Variants in MTA3 observed in about 807,000 individuals in gnomAD.
MTA3 encodes metastasis-associated protein MTA3.
In MTA3, 34 loss-of-function variants were observed where a neutral mutation model predicts 83.5. The ratio of observed to expected loss-of-function variants is 0.41; its 90% CI spans 0.31 to 0.54. The LOEUF (loss-of-function observed/expected upper bound fraction) is 0.54, where lower values mean the gene tolerates loss of function less well. Ranked by LOEUF, MTA3 falls within the 20% of genes least tolerant of loss-of-function variation. MTA3 has a pLI of 0.33. For synonymous variants in MTA3, 303 were observed against 252.7 expected (o/e 1.20, Z -1.89); for missense variants, 761 against 726.4 (o/e 1.05, Z -0.55).
At chr2:42,677,628 GCCACCGTACCTCGT>G in intron 8 of MTA3, among the ~76,000 whole-genome samples, 1 of 152,110 alleles carries the variant, frequency 6.6e-6, no homozygotes, top group Non-Finnish European at 1.5e-5. Flanking sequence ...ACGGGTATGA[GCCACCGTACCTCGT>G]CCTGATGGTT....
intron 4 of MTA3, among the ~76,000 whole-genome samples, chr2:42,639,063 CTTT>C (rs563252870): frequency 7.2e-5 from 10 of 138,722 alleles, no homozygotes; most frequent in Non-Finnish European, 9.5e-5. Flanking sequence ...TTCTTTCTTT[CTTT>C]TTTTTTTTTT....
At position 42,576,543 on chromosome 2, in the gene MTA3, T is replaced by C. The variant is rs112805894; in HGVS notation, c.97-2564T>C. On this transcript the variant is annotated intron_variant, in intron 2 of 16. Coordinates refer to ENST00000405094, the MANE Select transcript of MTA3 (RefSeq NM_001330442.2). ...TGCTCGAGAGGCTGAGGCAGGAGGA[T>C]TGCTTGAGCCTGGGGGTTTGAGACC... is the stretch of plus-strand genomic sequence containing the variant. 1.2e-3 allele frequency among the ~76,000 whole-genome samples: 176 copies of C among 151,938 alleles called. 2 individuals carry two copies. Among genetic ancestry groups the C allele is most frequent in the African/African-American group, 3.9e-3 (163 of 41,436 alleles).
chr2:42,750,512 G>T (rs555140053), intron 16 of MTA3, among the ~76,000 whole-genome samples: 1 of 152,244 alleles, frequency 6.6e-6, no homozygotes, highest in African/African-American at 2.4e-5. Flanking sequence ...CTGTAGTGCA[G>T]TTCACTGTAG....
chr2:42,558,397 T>C (rs942341088), intron 2 of MTA3, among the ~76,000 whole-genome samples: 2 of 151,552 alleles, frequency 1.3e-5, no homozygotes, highest in African/African-American at 4.9e-5. Flanking sequence ...ACTAAAGGCA[T>C]GTGCCACCAC....
chr2:42,521,353 C>T (rs936194289), intron 2 of MTA3, among the ~76,000 whole-genome samples: 3 of 152,150 alleles, frequency 2.0e-5, no homozygotes, highest in East Asian at 1.9e-4. Flanking sequence ...CCCACCCCAT[C>T]GGCCTAGTGA....
In MTA3 at chr2:42,553,921, G is replaced by GA. The variant is rs111245000; in HGVS notation, c.-140-16506dup. On this transcript the variant is annotated intron_variant, in intron 2 of 17. Coordinates refer to the MTA3 transcript ENST00000405592. ...AACGAAAGAAAGAAAGAAGGAAGAA[G>GA]AAAAAAAAAACAAAACAAAAAACTA... 2.9e-3 allele frequency among the ~76,000 whole-genome samples: 367 copies of GA among 124,808 alleles called. 2 individuals are homozygous for GA. The highest frequency in any genetic ancestry group is 8.7e-3 in the African/African-American group (297 of 34,124). 81.9% of individuals were successfully genotyped at this position (124,808 alleles called of 152,430 possible). A position where few individuals can be genotyped will look rare whatever the true frequency, so the allele number is the denominator to read the frequency against.
chr2:42,738,319 G>T (rs781081845), intron 16 of MTA3, among the ~76,000 whole-genome samples: 16 of 152,132 alleles, frequency 1.1e-4, no homozygotes, highest in South Asian at 2.1e-4. Context: ...GGATTGTGAA[G>T]ATTTTATGGG....
At chr2:42,726,050 C>G (rs1289006354) in intron 16 of MTA3, among the ~76,000 whole-genome samples, 1 of 152,144 alleles carries the variant, frequency 6.6e-6, no homozygotes, top group Non-Finnish European at 1.5e-5. Context: ...AAAAAATGTT[C>G]TGTTAATACT....
intron 6 of MTA3, among the ~76,000 whole-genome samples, chr2:42,652,156 T>G (rs1423040096): frequency 2.0e-5 from 3 of 152,128 alleles, no homozygotes; most frequent in Admixed American, 1.3e-4. Flanking sequence ...TAGCAAAGGT[T>G]GCATGGCTGC....
intron 3 of MTA3, among the ~76,000 whole-genome samples, chr2:42,598,746 T>C (rs1682161924): frequency 1.3e-5 from 2 of 152,214 alleles, no homozygotes; most frequent in South Asian, 4.1e-4. Flanking sequence ...TCTACCTTAT[T>C]ACCCTTCCTG....
At chr2:42,581,057 A>G (rs113871890) in intron 3 of MTA3, among the ~76,000 whole-genome samples, 1 of 152,014 alleles carries the variant, frequency 6.6e-6, no homozygotes, top group Non-Finnish European at 1.5e-5. Context: ...TAGTTGTCTC[A>G]TAAGTTAAAT....
At chr2:42,594,677 AATATACAT>A (rs962787879) in intron 3 of MTA3, among the ~76,000 whole-genome samples, 1 of 128,378 alleles carries the variant, frequency 7.8e-6, no homozygotes, top group East Asian at 2.1e-4. Context: ...CACATATATA[AATATACAT>A]ATATACATAT....
rs533079561 is a variant in MTA3 at position 42,634,433 on chromosome 2, A to G, written c.318-5740A>G. Among the ~76,000 whole-genome samples, 3 of 152,322 alleles carry G rather than the reference A, an allele frequency of 2.0e-5. No homozygotes were observed. The South Asian group carries it at 6.2e-4, about 32-fold the overall frequency. ...TTACAATCATGGTGGAAGGGGAAGC[A>G]GGCATGTCTTACTTGGCAGCAGGCG... On this transcript the variant is annotated intron_variant, in intron 4 of 16. Transcript: ENST00000405094.
chr2:42,529,770 ATGGTGT>A (rs1675872655), intron 2 of MTA3, among the ~76,000 whole-genome samples: 1 of 152,214 alleles, frequency 6.6e-6, no homozygotes, highest in East Asian at 1.9e-4. Flanking sequence ...TGGGCACAGA[ATGGTGT>A]AGGGCAGGTT....
At chr2:42,578,441 G>A (rs111343284) in intron 2 of MTA3, among the ~76,000 whole-genome samples, 2,193 of 152,284 alleles carry the variant, frequency 0.014, 25 homozygotes, top group Middle Eastern at 0.058. Context: ...GAGTTTCAGT[G>A]TTCATAACTC....
intron 11 of MTA3, 93 bp downstream of exon 11, chr2:42,697,927 C>G: frequency 1.2e-6 from 1 of 846,022 alleles, no homozygotes; most frequent in Non-Finnish European, 1.8e-6. Flanking sequence ...AAAATTTGAA[C>G]TTTTGTGTAT....
At chr2:42,625,667 A>T (rs1686002745) in intron 4 of MTA3, among the ~76,000 whole-genome samples, 1 of 149,306 alleles carries the variant, frequency 6.7e-6, no homozygotes, top group South Asian at 2.1e-4. Context: ...GAATGTCGTG[A>T]ACCCGGGAGG....
intron 2 of MTA3, among the ~76,000 whole-genome samples, chr2:42,558,670 C>A (rs924902012): frequency 6.6e-6 from 1 of 151,846 alleles, no homozygotes; most frequent in African/African-American, 2.4e-5. Context: ...TCTCCTTCCT[C>A]CCAAGTAGCT....
In MTA3 at chr2:42,704,331, T is replaced by C. The variant is rs760852077; in HGVS notation, c.1150+13T>C. On this transcript the variant is annotated intron_variant, in intron 12 of 16. Transcript: ENST00000405094. The stretch of plus-strand genomic sequence containing the variant: ...GAGAGCTGCTATGGTAAGTTTTCTC[T>C]AGCAGGTCAGTTAAGCATCGGGAAC... 2.5e-6 allele frequency: 4 copies of C among 1,613,388 alleles called. No individual in the cohort carries two copies. The South Asian group carries it at 4.4e-5, about 18-fold the overall frequency.
Sources: allele counts gnomAD v4.1 joint callset (sites outside exome capture counted in the v4.1 genomes callset), GRCh38; gene constraint gnomAD v4.1.1; transcripts MANE v1.5; gene names NCBI Gene and HGNC (gene_info 2026-07-23, HGNC 2026-07-21).